The following MAST4 variants were observed in gnomAD, a reference collection of about 807,000 sequenced individuals.
The protein encoded by MAST4 is microtubule associated serine/threonine kinase family member 4.
MAST4 carries 89 observed loss-of-function variants against 162.7 expected under a neutral mutation model. That is an observed-to-expected ratio of 0.55 (90% CI 0.46 to 0.65). The LOEUF is 0.65. MAST4 is among the 30% of genes least tolerant of loss of function. The pLI is 0.00. For synonymous variants in MAST4, 1,479 were observed against 1,361.1 expected, an observed-to-expected ratio of 1.09 and a Z score of -1.91; for missense variants, 3,153 against 3,374.0, an observed-to-expected ratio of 0.93 and a Z score of 1.62.
chr5:66,646,925 G>A (rs1485888600), intron 1 of MAST4, among the ~76,000 whole-genome samples: 1 of 152,158 alleles, frequency 6.6e-6, no homozygotes, highest in Admixed American at 6.5e-5. Context: ...AAATTTAAAT[G>A]ACTTAAAATA....
chr5:66,669,421 G>A (rs958778894), intron 1 of MAST4, among the ~76,000 whole-genome samples: 1 of 152,200 alleles, frequency 6.6e-6, no homozygotes, highest in Admixed American at 6.5e-5. Flanking sequence ...AACACTGCAT[G>A]GGTAAAACAC....
intron 1 of MAST4, among the ~76,000 whole-genome samples, chr5:66,672,732 G>A (rs1468052511): frequency 6.6e-6 from 1 of 152,198 alleles, no homozygotes; most frequent in Non-Finnish European, 1.5e-5. Flanking sequence ...CACAAAGAGT[G>A]CTCCAGTGAA....
At chr5:66,729,481 CA>C (rs1751712537) in intron 1 of MAST4, among the ~76,000 whole-genome samples, 1 of 152,164 alleles carries the variant, frequency 6.6e-6, no homozygotes, top group Non-Finnish European at 1.5e-5. Flanking sequence ...GGTCTGACTA[CA>C]GCATTCTTTT....
At chr5:66,934,335 A>G (rs992303203) in intron 4 of MAST4, among the ~76,000 whole-genome samples, 2 of 152,034 alleles carry the variant, frequency 1.3e-5, no homozygotes, top group Non-Finnish European at 2.9e-5. Context: ...ATGGTATTCC[A>G]TAATATCATT....
chr5:66,893,810 ATTG>A (rs1762513447), intron 3 of MAST4, among the ~76,000 whole-genome samples: 1 of 152,114 alleles, frequency 6.6e-6, no homozygotes. Context: ...GGATTTTTCA[ATTG>A]TTGTTAGAAT....
chr5:66,934,535 A>G (rs1431288177), intron 4 of MAST4, among the ~76,000 whole-genome samples: 1 of 152,154 alleles, frequency 6.6e-6, no homozygotes, highest in Non-Finnish European at 1.5e-5. Context: ...ACGACACGGC[A>G]ACAAAATTTT....
At chr5:66,813,144 T>C (rs1350205954) in intron 3 of MAST4, among the ~76,000 whole-genome samples, 2 of 152,232 alleles carry the variant, frequency 1.3e-5, no homozygotes, top group African/African-American at 4.8e-5. Context: ...TTAGGAAATC[T>C]TGCTCAATAT....
intron 2 of MAST4, among the ~76,000 whole-genome samples, chr5:66,787,807 A>C (rs1433539755): frequency 6.6e-6 from 1 of 152,186 alleles, no homozygotes; most frequent in Non-Finnish European, 1.5e-5. Context: ...GTAAATATTT[A>C]TTGAGCAGCT....
At chr5:67,104,657 CATGAA>C (rs1294271617) in intron 10 of MAST4, 82 bp downstream of exon 10, 21 of 1,014,676 alleles carry the variant, frequency 2.1e-5, no homozygotes, top group Admixed American at 7.4e-5. Context: ...AAGTTATAAC[CATGAA>C]ATGGAGTTCA....
intron 1 of MAST4, among the ~76,000 whole-genome samples, chr5:66,682,306 T>C (rs73110441): frequency 0.026 from 4,022 of 152,300 alleles, 189 homozygotes; most frequent in African/African-American, 0.093. Context: ...TTTTCATGAA[T>C]ACAAATTGTA....
intron 3 of MAST4, among the ~76,000 whole-genome samples, chr5:66,804,660 G>A (rs1756093826): frequency 6.6e-6 from 1 of 152,142 alleles, no homozygotes; most frequent in South Asian, 2.1e-4. Context: ...GGGTGTATTT[G>A]CTAAACAATA....
intron 2 of MAST4, among the ~76,000 whole-genome samples, chr5:66,781,377 C>CT (rs1224001332): frequency 1.3e-5 from 2 of 152,200 alleles, no homozygotes; most frequent in Admixed American, 1.3e-4. Context: ...ACCTATTAAC[C>CT]TATATACCTG....
At chr5:66,868,119 C>A (rs1364211134) in intron 3 of MAST4, among the ~76,000 whole-genome samples, 1 of 152,018 alleles carries the variant, frequency 6.6e-6, no homozygotes, top group Non-Finnish European at 1.5e-5. Context: ...GTTGCTTTTT[C>A]AAAAATGCAT....
intron 4 of MAST4, among the ~76,000 whole-genome samples, chr5:67,052,058 T>C (rs964498250): frequency 3.0e-4 from 46 of 152,316 alleles, no homozygotes; most frequent in Middle Eastern, 6.8e-3. Context: ...CAATAAGATA[T>C]ACCTTCGATA....
At chr5:66,610,083 C>T (rs1220302049) in intron 1 of MAST4, among the ~76,000 whole-genome samples, 1 of 151,960 alleles carries the variant, frequency 6.6e-6, no homozygotes, top group African/African-American at 2.4e-5. Flanking sequence ...ACTTTTGCAC[C>T]ACCCTAATGG....
chr5:67,021,356 C>A (rs1269116550), intron 4 of MAST4, among the ~76,000 whole-genome samples: 1 of 152,166 alleles, frequency 6.6e-6, no homozygotes, highest in Non-Finnish European at 1.5e-5. Flanking sequence ...ATATAGATTG[C>A]AACGTATCCC....
intron 1 of MAST4, among the ~76,000 whole-genome samples, chr5:66,716,470 C>G (rs1406219387): frequency 6.6e-6 from 1 of 151,738 alleles, no homozygotes; most frequent in South Asian, 2.1e-4. Flanking sequence ...GTCAGCCTCC[C>G]GAGTAGCTGG....
intron 5 of MAST4, among the ~76,000 whole-genome samples, chr5:67,061,742 G>T (rs146750589): frequency 1.3e-5 from 2 of 150,326 alleles, no homozygotes; most frequent in South Asian, 2.1e-4. Flanking sequence ...CACCAGTGAC[G>T]CATTTCTTTA....
chr5:66,925,678 C>T (rs1023412766), intron 4 of MAST4, among the ~76,000 whole-genome samples: 1 of 152,006 alleles, frequency 6.6e-6, no homozygotes, highest in African/African-American at 2.4e-5. Context: ...GTGGAGGCTC[C>T]CTAGGGGTAA....
Sources: gnomAD v4.1 joint callset for allele counts (sites outside exome capture counted in the v4.1 genomes callset) on GRCh38, gnomAD v4.1.1 for gene constraint, MANE v1.5 for transcripts, NCBI Gene and HGNC (gene_info 2026-07-23, HGNC 2026-07-21) for gene names.